Variants in ABCB8 observed in about 807,000 individuals in gnomAD.
The protein encoded by ABCB8 is ATP binding cassette subfamily B member 8, also known as mitochondrial potassium channel ATP-binding subunit.
ABCB8 carries 52 observed loss-of-function variants against 73.0 expected under a neutral mutation model. The observed-to-expected ratio is 0.71, with a 90% CI of 0.57 to 0.90. ABCB8 has a LOEUF of 0.90. Among genes scored for constraint, ABCB8 ranks in the 40% least tolerant of loss-of-function variants. The probability of loss-of-function intolerance (pLI) is 0.00; values close to 1 mark genes in which losing one functional copy is unlikely to be tolerated. For missense variants in ABCB8, 909 were observed against 974.6 expected (o/e 0.93, Z 0.90); for synonymous variants, 428 against 423.5 (o/e 1.01, Z -0.13).
Position 151,040,516 on chromosome 7 carries a change from G to T in ABCB8, c.1270G>T (p.Ala424Ser), listed in dbSNP as rs540782181. 5.0e-6 allele frequency: 8 copies of T among 1,612,326 alleles called. No individual in the cohort carries two copies. The highest frequency in any genetic ancestry group is 6.8e-6 in the Non-Finnish European group (8 of 1,179,102). ...CCCACAGGTGGTCCGGGGGCTGAGTGCAGGTGCCCGGGTCTTTGAGTACAT... is the reference window on the plus strand; with the variant it reads ...CCCACAGGTGGTCCGGGGGCTGAGTTCAGGTGCCCGGGTCTTTGAGTACAT... ...LFGQVVRGLS[A>S]GARVFEYMAL... Residue 424 changes from alanine (A) to serine (S), a missense_variant, in exon 11 of 16, where the codon GCA becomes TCA. Ala to Ser is a moderately conservative substitution (Grantham distance 99). Coordinates refer to ENST00000358849, the MANE Select transcript of ABCB8 (RefSeq NM_007188.5).
Position 151,044,051 on chromosome 7 carries a change from C to G in ABCB8, c.1846C>G (p.Leu616Val), listed in dbSNP as rs1215709506. The part of the protein sequence containing the change: ...ARALIKQPTV[L>V]ILDEATSALD... ...AGCCCTTATCAAGCAGCCCACGGTG[C>G]TGATACTGGATGAAGCTACCAGCGC... Residue 616 changes from leucine to valine, a missense_variant, in exon 15 of 16, where the codon CTG becomes GTG. Transcript: ENST00000358849. 6.2e-7 allele frequency: 1 copy of G among 1,613,568 alleles called. No homozygotes were observed. Among genetic ancestry groups the G allele is most frequent in the South Asian group, 1.1e-5 (1 of 91,082 alleles).
In ABCB8 at chr7:151,033,631, CCCT is replaced by C. The variant is rs774702414; in HGVS notation, c.128_130del (p.Leu43del). The stretch of plus-strand genomic sequence containing the variant: ...TACTCTGATGGCTACCGCAGCTCCT[CCCT>C]CCTCCGGGCCGTGGCCCACCTGCGG... On this transcript the variant is annotated inframe_deletion, in exon 2 of 16. Transcript: ENST00000358849. 2.3e-5 allele frequency: 37 copies of C among 1,591,878 alleles called. 1 individual carries two copies. The South Asian group carries it at 4.0e-4, about 17-fold the overall frequency.
Position 151,040,701 on chromosome 7 carries a change from G to C in ABCB8, c.1388+67G>C, listed in dbSNP as rs998203348. The C allele has an allele frequency of 9.4e-6, 15 of 1,599,870 alleles. No individual in the cohort carries two copies. The African/African-American group carries it at 1.9e-4, about 20-fold the overall frequency. On this transcript the variant is annotated intron_variant, in intron 11 of 15. Coordinates refer to ENST00000358849, the MANE Select transcript of ABCB8 (RefSeq NM_007188.5). ...GGGGATGAGGCGAGTGGATTCGGGG[G>C]TGGAGGTCTGGACTAATGTCCCCCA... is the stretch of plus-strand genomic sequence containing the variant.
At position 151,040,347 on chromosome 7, in the gene ABCB8, C is replaced by T. The variant is rs371146495; in HGVS notation, c.1251+46C>T. 4.2e-5 allele frequency: 68 copies of T among 1,606,738 alleles called. No individual in the cohort carries two copies. The African/African-American group carries it at 5.1e-4, about 12-fold the overall frequency. ...AGGGCCTGGGGTGTGGAGTTTGTGC[C>T]GTGTGTGCCGCTGTGGGAGCTGCCT... On this transcript the variant is annotated intron_variant, in intron 10 of 15. Coordinates refer to ENST00000358849, the MANE Select transcript of ABCB8 (RefSeq NM_007188.5).
In ABCB8 at chr7:151,034,359, C is replaced by T. The variant is rs747592335; in HGVS notation, c.495C>T (p.Asp165=). 1.2e-6 allele frequency: 2 copies of T among 1,613,866 alleles called. No individual in the cohort carries two copies. Among genetic ancestry groups the T allele is most frequent in the Admixed American group, 1.7e-5 (1 of 59,994 alleles). Residue 165 remains aspartate (D), a synonymous_variant, in exon 3 of 16, where the codon GAC becomes GAT. Transcript: ENST00000358849. The part of the protein sequence containing the change: ...LVEVVAKYTR[D]HVGSFMTESQ... ...AGGTCGTGGCCAAGTACACAAGGGA[C>T]CACGTAGGGAGTTTCATGACTGAGT...
intron 2 of ABCB8, 28 bp from the exon 3 acceptor site, chr7:151,034,245 A>T (rs765426045): frequency 2.5e-6 from 4 of 1,595,846 alleles, no homozygotes; most frequent in Non-Finnish European, 3.4e-6. Flanking sequence ...CACTTAAAAC[A>T]TTTGTGCCCT....
chr7:151,035,528 T>G, intron 5 of ABCB8, 53 bp from the exon 6 acceptor site: 1 of 1,531,438 alleles, frequency 6.5e-7, no homozygotes, highest in Non-Finnish European at 8.8e-7. Flanking sequence ...GGAAAAGTCC[T>G]TCCTGTCATG....
rs1796211464 is a variant in ABCB8, at chr7:151,033,205, C to G, written c.96-400C>G. On this transcript the variant is annotated intron_variant, in intron 1 of 15. Coordinates refer to ENST00000358849, the MANE Select transcript of ABCB8 (RefSeq NM_007188.5). ...CACAGGAGCAGCTCTCTTTCCTCAC[C>G]TCTCTGCACCGTGGTCCCTTAAACC... is the stretch of plus-strand genomic sequence containing the variant. The G allele has an allele frequency of 9.5e-6, 4 of 420,572 alleles. No individual in the cohort carries two copies. The Admixed American group carries it at 1.1e-4, about 12-fold the overall frequency. The allele number at this position is 420,572 out of a possible 1,614,324, so 26.1% of individuals were successfully genotyped here. A position where few individuals can be genotyped will look rare whatever the true frequency, so the allele number is the denominator to read the frequency against.
At chr7:151,036,746 G>T (rs185141892) in intron 9 of ABCB8, 97 bp downstream of exon 9, 3 of 1,073,350 alleles carry the variant, frequency 2.8e-6, no homozygotes, top group Admixed American at 1.9e-5. Context: ...TCTGGGGGCC[G>T]ACTGCTGTGC....
chr7:151,032,438 G>A (rs1185026734), intron 1 of ABCB8, among the ~76,000 whole-genome samples: 1 of 152,188 alleles, frequency 6.6e-6, no homozygotes, highest in African/African-American at 2.4e-5. Context: ...GCTCATACCT[G>A]GAATCCCAGC....
chr7:151,037,880 C>T (rs4148845), intron 9 of ABCB8: 7,794 of 164,648 alleles, frequency 0.047, 206 homozygotes, highest in Non-Finnish European at 0.06. Context: ...TGCATGGACA[C>T]CCTCGCGTGC....
intron 9 of ABCB8, chr7:151,037,823 GC>G (rs1796352905): frequency 5.9e-6 from 1 of 170,154 alleles, no homozygotes; most frequent in Admixed American, 5.6e-5. Flanking sequence ...CCCATTTTCA[GC>G]CCCAAACCTG....
chr7:151,028,878 TCCCGACCGGGGGTC>T (rs780653881), intron 1 of ABCB8: 110 of 1,516,292 alleles, frequency 7.3e-5, no homozygotes, highest in Non-Finnish European at 9.1e-5. Flanking sequence ...CAGTCCGCAC[TCCCGACCGGGGGTC>T]CCCTTTCCTG....
chr7:151,044,258 G>A, intron 15 of ABCB8, 37 bp downstream of exon 15: 1 of 1,583,530 alleles, frequency 6.3e-7, no homozygotes, highest in Non-Finnish European at 8.6e-7. Flanking sequence ...GTGGGTTGAG[G>A]ATGGCTTCAT....
rs557488684 is a variant in ABCB8, at chr7:151,045,263, C to T, written c.2071C>T (p.Arg691Trp). 10 of 1,604,802 alleles carry T rather than the reference C, an allele frequency of 6.2e-6. No homozygotes were observed. Among genetic ancestry groups the T allele is most frequent in the Middle Eastern group, 1.7e-4 (1 of 6,028 alleles). ...AGGCGGGCTATACGCCGAGCTCATC[C>T]GGAGGCAGGCCCTGGATGCCCCGAG... The part of the protein sequence containing the change: ...KKGGLYAELI[R>W]RQALDAPRTA... The change falls in exon 16 of 16, where the codon CGG (arginine) becomes TGG (tryptophan). Residue 691 changes from arginine (R) to tryptophan (W), a missense_variant. Coordinates refer to ENST00000358849, the MANE Select transcript of ABCB8 (RefSeq NM_007188.5).
In ABCB8 at chr7:151,035,688, G is replaced by A; in HGVS notation, c.873G>A (p.Val291=). ...LMVATPALMG[V]GTLMGSGLRK... ...TGGCCACACCAGCCCTGATGGGAGTGGGCACCCTGATGGGCTCAGGCCTCC... is the reference window on the plus strand; with the variant it reads ...TGGCCACACCAGCCCTGATGGGAGTAGGCACCCTGATGGGCTCAGGCCTCC... Residue 291 remains valine (V), a synonymous_variant, in exon 6 of 16, where the codon GTG becomes GTA. Coordinates refer to ENST00000358849, the MANE Select transcript of ABCB8 (RefSeq NM_007188.5). 1 of 1,613,622 alleles carries A rather than the reference G, an allele frequency of 6.2e-7. No individual in the cohort carries two copies. Among genetic ancestry groups the A allele is most frequent in the Non-Finnish European group, 8.5e-7 (1 of 1,180,016 alleles).
At chr7:151,037,108 C>T in intron 9 of ABCB8, 1 of 701,252 alleles carries the variant, frequency 1.4e-6, no homozygotes, top group Admixed American at 2.0e-5. Flanking sequence ...CCCCATTTGC[C>T]CTCCCCCAGC....
Position 151,034,636 on chromosome 7 carries a change from G to T in ABCB8, c.659+37G>T, listed in dbSNP as rs928071822. The T allele has an allele frequency of 1.9e-6, 3 of 1,613,318 alleles. No homozygotes were observed. In the Admixed American group the frequency reaches 5.0e-5, roughly 27 times the overall value. Reference sequence around the variant, plus strand: ...CGCAGGGTGCAGAGTTGGGGTGACTGATGGCCTGAGGGGTCTGGGGGTAGG... The same window carrying T: ...CGCAGGGTGCAGAGTTGGGGTGACTTATGGCCTGAGGGGTCTGGGGGTAGG... On this transcript the variant is annotated intron_variant, in intron 4 of 15. Coordinates refer to ENST00000358849, the MANE Select transcript of ABCB8 (RefSeq NM_007188.5).
chr7:151,035,451 G>A, intron 5 of ABCB8, 130 bp from the exon 6 acceptor site: 1 of 1,089,390 alleles, frequency 9.2e-7, no homozygotes, highest in Non-Finnish European at 1.3e-6. Context: ...GACTGCCACT[G>A]GGCCTCCCAG....
Sources: gnomAD v4.1 joint callset for allele counts (sites outside exome capture counted in the v4.1 genomes callset) on GRCh38, gnomAD v4.1.1 for gene constraint, MANE v1.5 for transcripts, NCBI Gene and HGNC (gene_info 2026-07-23, HGNC 2026-07-21) for gene names.